Variants in OPCML observed in about 807,000 individuals in gnomAD.
The protein encoded by OPCML is opioid-binding protein/cell adhesion molecule.
In OPCML, 13 loss-of-function variants were observed where a neutral mutation model predicts 37.8. The observed-to-expected ratio is 0.34, with a 90% CI of 0.22 to 0.55. OPCML has a LOEUF of 0.55. Ranked by LOEUF, OPCML falls within the 20% of genes least tolerant of loss-of-function variation. The pLI is 0.91. For synonymous variants in OPCML, 176 were observed against 168.8 expected, an observed-to-expected ratio of 1.04 and a Z score of -0.33; for missense variants, 341 against 435.6, an observed-to-expected ratio of 0.78 and a Z score of 1.93.
At chr11:132,954,043 A>G (rs190221663) in intron 1 of OPCML, among the ~76,000 whole-genome samples, 1 of 152,296 alleles carries the variant, frequency 6.6e-6, no homozygotes, top group East Asian at 1.9e-4. Flanking sequence ...TTGAAATCAT[A>G]TCTCTCTTGC....
intron 3 of OPCML, among the ~76,000 whole-genome samples, chr11:132,631,352 C>CATATATATATATATATAT (rs61450463): frequency 3.5e-4 from 50 of 142,708 alleles, no homozygotes; most frequent in African/African-American, 7.6e-4. Context: ...ACCATATATA[C>CATATATATATATATATAT]ATATATATAT....
At chr11:132,913,748 A>C (rs1944505561) in intron 2 of OPCML, among the ~76,000 whole-genome samples, 1 of 152,182 alleles carries the variant, frequency 6.6e-6, no homozygotes, top group South Asian at 2.1e-4. Flanking sequence ...CAACTCCAAG[A>C]GGGAACCATA....
intron 1 of OPCML, among the ~76,000 whole-genome samples, chr11:133,020,886 G>C (rs1043304557): frequency 2.0e-5 from 3 of 152,120 alleles, no homozygotes; most frequent in Non-Finnish European, 4.4e-5. Flanking sequence ...TCTTACAAGA[G>C]TGACCTTGGC....
chr11:132,740,952 C>T (rs1945415669), intron 2 of OPCML, among the ~76,000 whole-genome samples: 1 of 152,176 alleles, frequency 6.6e-6, no homozygotes, highest in Non-Finnish European at 1.5e-5. Context: ...TCTCAAGTTG[C>T]TTGCTTAAAG....
intron 1 of OPCML, among the ~76,000 whole-genome samples, chr11:133,354,902 A>G (rs1280551140): frequency 1.3e-5 from 2 of 152,210 alleles, no homozygotes; most frequent in Non-Finnish European, 2.9e-5. Flanking sequence ...CTCCTCAAAT[A>G]AGTTGTAAAA....
Position 133,256,683 on chromosome 11 carries a change from CA to C in OPCML, c.61+275580del, listed in dbSNP as rs528811993. Among the ~76,000 whole-genome samples, 47 of 152,044 alleles carry C rather than the reference CA, an allele frequency of 3.1e-4. No individual in the cohort carries two copies. In the Middle Eastern group the frequency reaches 0.01, roughly 33 times the overall value. ...TGTTCTTTTTCCCATTTACAGCTGT[CA>C]AAAAAGTTCCTTTAAAAATCAATGT... On this transcript the variant is annotated intron_variant, in intron 1 of 7. Coordinates refer to ENST00000524381, the MANE Select transcript of OPCML (RefSeq NM_001012393.5).
At chr11:133,049,921 A>G (rs75774195) in intron 1 of OPCML, among the ~76,000 whole-genome samples, 1 of 152,206 alleles carries the variant, frequency 6.6e-6, no homozygotes, top group Non-Finnish European at 1.5e-5. Flanking sequence ...CTCTTCTCTC[A>G]GTTATTCAGC....
At chr11:132,853,662 C>A (rs528987284) in intron 2 of OPCML, among the ~76,000 whole-genome samples, 1 of 152,222 alleles carries the variant, frequency 6.6e-6, no homozygotes, top group Admixed American at 6.5e-5. Flanking sequence ...CATAGATTTG[C>A]CTTTTCTGGA....
intron 2 of OPCML, among the ~76,000 whole-genome samples, chr11:132,809,904 C>A (rs1406109166): frequency 6.6e-6 from 1 of 152,088 alleles, no homozygotes; most frequent in East Asian, 1.9e-4. Context: ...GGCTGGAGTG[C>A]AGTGGCGCGA....
chr11:132,627,263 TA>T (rs2135677719), intron 3 of OPCML, among the ~76,000 whole-genome samples: 1 of 152,298 alleles, frequency 6.6e-6, no homozygotes, highest in East Asian at 1.9e-4. Context: ...CACTAACCTG[TA>T]GGTGAAATGT....
chr11:132,522,741 A>T (rs1057010653), intron 4 of OPCML, among the ~76,000 whole-genome samples: 1 of 152,212 alleles, frequency 6.6e-6, no homozygotes, highest in Non-Finnish European at 1.5e-5. Context: ...TCTCATGCTT[A>T]GGTTGATAAG....
intron 3 of OPCML, among the ~76,000 whole-genome samples, chr11:132,644,305 A>G (rs1197473535): frequency 6.6e-6 from 1 of 152,010 alleles, no homozygotes; most frequent in Non-Finnish European, 1.5e-5. Flanking sequence ...TCTGTTAATC[A>G]CCCTTCATCT....
At chr11:133,469,155 C>T (rs1487956239) in intron 1 of OPCML, among the ~76,000 whole-genome samples, 1 of 152,184 alleles carries the variant, frequency 6.6e-6, no homozygotes, top group Non-Finnish European at 1.5e-5. Flanking sequence ...TATCTTTATA[C>T]TCCCTTTCTA....
At chr11:133,250,990 G>A (rs1941114915) in intron 1 of OPCML, among the ~76,000 whole-genome samples, 2 of 152,162 alleles carry the variant, frequency 1.3e-5, no homozygotes, top group Admixed American at 6.5e-5. Flanking sequence ...TACTGGGGCT[G>A]AAGGACTCCG....
chr11:132,793,546 C>G (rs908559293), intron 2 of OPCML, among the ~76,000 whole-genome samples: 1 of 152,094 alleles, frequency 6.6e-6, no homozygotes, highest in African/African-American at 2.4e-5. Flanking sequence ...GGATTAGCAC[C>G]AACTAGGGGG....
chr11:133,515,715 C>T (rs192164568), intron 1 of OPCML, among the ~76,000 whole-genome samples: 10 of 152,018 alleles, frequency 6.6e-5, no homozygotes, highest in African/African-American at 1.7e-4. Flanking sequence ...AGTACCTTTA[C>T]CACCAGTCCA....
At chr11:132,599,341 G>GA (rs1182651202) in intron 3 of OPCML, among the ~76,000 whole-genome samples, 2 of 148,286 alleles carry the variant, frequency 1.3e-5, no homozygotes, top group Non-Finnish European at 3.0e-5. Context: ...GGAGGAGGAG[G>GA]AGGAGGAAGA....
At chr11:133,353,158 A>AT (rs1371757379) in intron 1 of OPCML, among the ~76,000 whole-genome samples, 3 of 151,738 alleles carry the variant, frequency 2.0e-5, no homozygotes, top group African/African-American at 7.3e-5. Flanking sequence ...GTAAGCCCCT[A>AT]TTTTGTTGTT....
At chr11:132,543,819 C>T (rs1414790852) in intron 3 of OPCML, among the ~76,000 whole-genome samples, 2 of 152,114 alleles carry the variant, frequency 1.3e-5, no homozygotes, top group Non-Finnish European at 2.9e-5. Flanking sequence ...ACTTATAATT[C>T]TTGGATTTCT....
Sources: allele counts gnomAD v4.1 joint callset (sites outside exome capture counted in the v4.1 genomes callset), GRCh38; gene constraint gnomAD v4.1.1; transcripts MANE v1.5; gene names NCBI Gene and HGNC (gene_info 2026-07-23, HGNC 2026-07-21).